Variants in UQCC1 observed in about 807,000 individuals in gnomAD.
UQCC1 encodes the protein bFGF-repressed Zic-binding protein.
Under a neutral mutation model 48.0 loss-of-function variants are expected in UQCC1, and 38 were observed. The ratio of observed to expected loss-of-function variants is 0.79; its 90% CI spans 0.61 to 1.04. The LOEUF is 1.04. Among genes scored for constraint, UQCC1 ranks in the 50% least tolerant of loss-of-function variants. UQCC1 has a pLI of 0.00. For synonymous variants in UQCC1, 111 were observed against 129.2 expected, an observed-to-expected ratio of 0.86 and a Z score of 0.95; for missense variants, 368 against 381.8, an observed-to-expected ratio of 0.96 and a Z score of 0.30.
intron 6 of UQCC1, among the ~76,000 whole-genome samples, chr20:35,348,257 A>G (rs989487367): frequency 6.6e-6 from 1 of 152,176 alleles, no homozygotes; most frequent in African/African-American, 2.4e-5. Context: ...AATAATCAAG[A>G]CCTCACATAA....
At chr20:35,370,237 T>A (rs2061715536) in intron 5 of UQCC1, among the ~76,000 whole-genome samples, 1 of 151,246 alleles carries the variant, frequency 6.6e-6, no homozygotes, top group Admixed American at 6.6e-5. Context: ...CTTGTTTCTT[T>A]TTTTTTTTTT....
intron 1 of UQCC1, among the ~76,000 whole-genome samples, chr20:35,396,134 G>A (rs2062075405): frequency 6.6e-6 from 1 of 151,276 alleles, no homozygotes; most frequent in African/African-American, 2.4e-5. Context: ...ACAGGCATGA[G>A]CCACCACATA....
chr20:35,361,572 T>C (rs1224877887), intron 6 of UQCC1, among the ~76,000 whole-genome samples: 2 of 152,238 alleles, frequency 1.3e-5, no homozygotes, highest in Non-Finnish European at 2.9e-5. Flanking sequence ...TTTAAGTAGG[T>C]ACTTTAGTAT....
chr20:35,382,105 G>T, intron 3 of UQCC1, 80 bp from the exon 4 acceptor site: 1 of 869,546 alleles, frequency 1.2e-6, no homozygotes, highest in Non-Finnish European at 1.8e-6. Flanking sequence ...TCAGGTCTGA[G>T]AGCATTTTTT....
chr20:35,383,985 G>C, intron 3 of UQCC1, 53 bp downstream of exon 3: 1 of 1,513,806 alleles, frequency 6.6e-7, no homozygotes, highest in South Asian at 1.1e-5. Context: ...GAGATCCAAA[G>C]AACACCTGTG....
At chr20:35,314,828 T>G in intron 7 of UQCC1, 63 bp from the exon 8 acceptor site, 1 of 1,392,340 alleles carries the variant, frequency 7.2e-7, no homozygotes, top group East Asian at 2.4e-5. Context: ...CCAAAAAGTA[T>G]GATCTTTGAC....
chr20:35,392,665 T>G (rs2062027213), intron 2 of UQCC1, among the ~76,000 whole-genome samples: 1 of 152,298 alleles, frequency 6.6e-6, no homozygotes, highest in South Asian at 2.1e-4. Flanking sequence ...ATATTCTCCA[T>G]TCATTCAACA....
chr20:35,372,034 G>A (rs1164706787), intron 5 of UQCC1, among the ~76,000 whole-genome samples: 6 of 151,890 alleles, frequency 4.0e-5, no homozygotes, highest in East Asian at 1.9e-4. Flanking sequence ...AAAAGAGGCC[G>A]GGTGTGGTGG....
At chr20:35,341,037 G>C (rs1418447383) in intron 7 of UQCC1, among the ~76,000 whole-genome samples, 1 of 151,758 alleles carries the variant, frequency 6.6e-6, no homozygotes, top group East Asian at 1.9e-4. Flanking sequence ...GAGACCAGTC[G>C]GGCTAACATG....
At chr20:35,350,131 GT>G (rs1322669002) in intron 6 of UQCC1, among the ~76,000 whole-genome samples, 1 of 152,104 alleles carries the variant, frequency 6.6e-6, no homozygotes, top group Non-Finnish European at 1.5e-5. Flanking sequence ...CTAAAGTTTT[GT>G]TTTTTTAATT....
intron 7 of UQCC1, among the ~76,000 whole-genome samples, chr20:35,328,865 T>G (rs1237169673): frequency 6.6e-6 from 1 of 152,220 alleles, no homozygotes; most frequent in Non-Finnish European, 1.5e-5. Flanking sequence ...CGTTCGTCTG[T>G]TTCGTGTGGA....
At chr20:35,391,543 G>C (rs2062014337) in intron 2 of UQCC1, among the ~76,000 whole-genome samples, 1 of 151,836 alleles carries the variant, frequency 6.6e-6, no homozygotes, top group Admixed American at 6.6e-5. Context: ...AGGATCGCTT[G>C]AACCCAGGAG....
chr20:35,361,192 A>G (rs1016747255), intron 6 of UQCC1, among the ~76,000 whole-genome samples: 1 of 149,680 alleles, frequency 6.7e-6, no homozygotes, highest in Non-Finnish European at 1.5e-5. Context: ...GTGGCTGAGC[A>G]TAAGATTTCA....
At position 35,381,919 on chromosome 20, in the gene UQCC1, C is replaced by T; in HGVS notation, c.332G>A (p.Trp111Ter). 6.4e-7 allele frequency: 1 copy of T among 1,558,976 alleles called. No homozygotes were observed. Among genetic ancestry groups the T allele is most frequent in the South Asian group, 1.1e-5 (1 of 87,532 alleles). ...TGAGAAGAACTTAAAGGACTTTACC[C>T]ATTTACTGTATTTCAAAGGTCCCGT... is the stretch of plus-strand genomic sequence containing the variant. Reference protein sequence around the residue: ...GFTGPLKYSKWKIKIAALRMY... With the variant: ...GFTGPLKYSK Residue 111 changes from tryptophan (W) to a stop codon, truncating the protein, a stop_gained and splice_region_variant, in exon 4 of 10, where the codon TGG becomes TAG. Coordinates refer to ENST00000374385, the MANE Select transcript of UQCC1 (RefSeq NM_018244.5). LOFTEE classifies it high-confidence loss of function.
intron 1 of UQCC1, among the ~76,000 whole-genome samples, chr20:35,396,284 CTTTTTTTT>C (rs34830667): frequency 6.4e-5 from 6 of 94,408 alleles, no homozygotes; most frequent in Non-Finnish European, 8.0e-5. Context: ...TGTGCCTGGC[CTTTTTTTT>C]TTTTTTTTTT....
Position 35,384,103 on chromosome 20 carries a change from C to G in UQCC1, c.160G>C (p.Gly54Arg), listed in dbSNP as rs1159296869. The G allele has an allele frequency of 6.2e-7, 1 of 1,613,046 alleles. No individual in the cohort carries two copies. Among genetic ancestry groups the G allele is most frequent in the African/African-American group, 1.3e-5 (1 of 74,888 alleles). The change falls in exon 3 of 10, where the codon GGT becomes CGT. Residue 54 changes from glycine (G) to arginine (R), a missense_variant. Physicochemically the swap from Gly to Arg is moderately radical, Grantham distance 125. Transcript: ENST00000374385. Reference protein sequence around the residue: ...WPQMSQSRACGGSEQIPGIDI... With the variant: ...WPQMSQSRACRGSEQIPGIDI... The stretch of plus-strand genomic sequence containing the variant: ...ATTCCAGGAATCTGTTCTGATCCAC[C>G]ACATGCTCGGGACTGGCTCATCTGG...
chr20:35,305,394 C>T (rs537116152), intron 9 of UQCC1, among the ~76,000 whole-genome samples: 1 of 152,206 alleles, frequency 6.6e-6, no homozygotes, highest in Admixed American at 6.5e-5. Context: ...AGAGGGCCCT[C>T]GGAGAAGTCC....
intron 1 of UQCC1, among the ~76,000 whole-genome samples, chr20:35,402,301 G>C (rs977233814): frequency 6.6e-6 from 1 of 152,064 alleles, no homozygotes; most frequent in Admixed American, 6.6e-5. Context: ...AATATAGGCC[G>C]GGCGCGGTGG....
chr20:35,320,139 C>T (rs2061106601), intron 7 of UQCC1, among the ~76,000 whole-genome samples: 1 of 152,196 alleles, frequency 6.6e-6, no homozygotes, highest in Non-Finnish European at 1.5e-5. Flanking sequence ...GGAAGGGATG[C>T]TAACTCCTTA....
Sources: allele counts gnomAD v4.1 joint callset (sites outside exome capture counted in the v4.1 genomes callset), GRCh38; gene constraint gnomAD v4.1.1; transcripts MANE v1.5; gene names NCBI Gene and HGNC (gene_info 2026-07-23, HGNC 2026-07-21).